The following NR6A1 variants were observed in gnomAD, a reference collection of about 807,000 sequenced individuals.
NR6A1 encodes nuclear receptor subfamily 6 group A member 1.
NR6A1 carries 7 observed loss-of-function variants against 59.1 expected under a neutral mutation model. That is an observed-to-expected ratio of 0.12 (90% CI 0.07 to 0.22). The LOEUF (loss-of-function observed/expected upper bound fraction) is 0.22, where lower values mean the gene tolerates loss of function less well. Ranked by LOEUF, NR6A1 falls within the 10% of genes least tolerant of loss-of-function variation. The pLI is 1.00. For synonymous variants in NR6A1, 243 were observed against 236.1 expected, an observed-to-expected ratio of 1.03 and a Z score of -0.27; for missense variants, 468 against 611.6, an observed-to-expected ratio of 0.77 and a Z score of 2.48.
At chr9:124,645,015 A>G (rs138913842) in intron 2 of NR6A1, among the ~76,000 whole-genome samples, 87 of 152,390 alleles carry the variant, frequency 5.7e-4, no homozygotes, top group Non-Finnish European at 1.1e-3. Flanking sequence ...CATTGAACGT[A>G]CAACATCAAG....
intron 2 of NR6A1, among the ~76,000 whole-genome samples, chr9:124,685,908 G>A (rs1443813136): frequency 6.6e-6 from 1 of 152,096 alleles, no homozygotes. Flanking sequence ...AAAGTATGAG[G>A]TAGATCTAAG....
At chr9:124,566,876 A>T (rs1588672142) in intron 2 of NR6A1, among the ~76,000 whole-genome samples, 2 of 152,188 alleles carry the variant, frequency 1.3e-5, no homozygotes, top group Non-Finnish European at 2.9e-5. Flanking sequence ...TGGGAGGCCA[A>T]GGCGGGCGGA....
At chr9:124,724,687 G>C (rs1178564893) in intron 2 of NR6A1, among the ~76,000 whole-genome samples, 1 of 152,208 alleles carries the variant, frequency 6.6e-6, no homozygotes, top group African/African-American at 2.4e-5. Flanking sequence ...AAAAATTCAG[G>C]AACAGTATTT....
intron 2 of NR6A1, among the ~76,000 whole-genome samples, chr9:124,667,543 T>C (rs551294646): frequency 6.6e-6 from 1 of 152,276 alleles, no homozygotes; most frequent in South Asian, 2.1e-4. Flanking sequence ...TAGATCACTG[T>C]CCTCACACAG....
At chr9:124,695,589 C>T (rs952474269) in intron 2 of NR6A1, among the ~76,000 whole-genome samples, 2 of 152,074 alleles carry the variant, frequency 1.3e-5, no homozygotes, top group African/African-American at 4.8e-5. Flanking sequence ...AGGCTGGTCT[C>T]AGACTCCTGA....
chr9:124,736,177 C>T lies in NR6A1; in HGVS notation c.101-2828G>A, dbSNP rs546475461. 1.5e-4 allele frequency among the ~76,000 whole-genome samples: 23 copies of T among 152,200 alleles called. No homozygotes were observed. In the East Asian group the frequency reaches 4.5e-3, roughly 29 times the overall value. On this transcript the variant is annotated intron_variant, in intron 1 of 9. Coordinates refer to ENST00000487099, the MANE Select transcript of NR6A1 (RefSeq NM_033334.4). The stretch of plus-strand genomic sequence containing the variant: ...GACCTCTCCTAGGTTCTAACTCAAG[C>T]CACCTTTAGTTATATGACTCCCTAT...
intron 2 of NR6A1, among the ~76,000 whole-genome samples, chr9:124,601,515 C>T (rs1401522233): frequency 1.4e-5 from 2 of 142,970 alleles, no homozygotes; most frequent in East Asian, 4.2e-4. Context: ...ACCTGGGAGG[C>T]GGAGCTTGCA....
chr9:124,558,194 C>A (rs554207399), intron 2 of NR6A1, among the ~76,000 whole-genome samples: 1 of 152,124 alleles, frequency 6.6e-6, no homozygotes, highest in South Asian at 2.1e-4. Flanking sequence ...ACCTACAGAA[C>A]GACAATCAAA....
chr9:124,699,421 C>T (rs1041773591), intron 2 of NR6A1, among the ~76,000 whole-genome samples: 4 of 152,182 alleles, frequency 2.6e-5, no homozygotes, highest in African/African-American at 4.8e-5. Context: ...ACACTTGAGT[C>T]ACCTCCCAAA....
chr9:124,699,319 C>T (rs766331540), intron 2 of NR6A1, among the ~76,000 whole-genome samples: 4 of 152,098 alleles, frequency 2.6e-5, no homozygotes, highest in Non-Finnish European at 5.9e-5. Context: ...AACCCATAAC[C>T]CAGGGTTAAA....
At chr9:124,546,982 T>G (rs1254729311) in intron 3 of NR6A1, among the ~76,000 whole-genome samples, 4 of 152,240 alleles carry the variant, frequency 2.6e-5, no homozygotes, top group Non-Finnish European at 4.4e-5. Flanking sequence ...CTTCTGATTC[T>G]AAAGCTGTAC....
At chr9:124,666,255 G>A (rs1032188146) in intron 2 of NR6A1, among the ~76,000 whole-genome samples, 4 of 148,450 alleles carry the variant, frequency 2.7e-5, no homozygotes, top group Admixed American at 6.7e-5. Context: ...AGATTTTGGC[G>A]GAATTACCTC....
chr9:124,590,613 T>C (rs1472624721), intron 2 of NR6A1, among the ~76,000 whole-genome samples: 1 of 152,248 alleles, frequency 6.6e-6, no homozygotes, highest in Non-Finnish European at 1.5e-5. Context: ...GAATGTTAGC[T>C]GCATAATAAT....
At chr9:124,734,254 C>T (rs977904668) in intron 1 of NR6A1, among the ~76,000 whole-genome samples, 3 of 152,204 alleles carry the variant, frequency 2.0e-5, no homozygotes, top group South Asian at 4.1e-4. Flanking sequence ...ACTTGTTCAG[C>T]GTCTGACCAC....
chr9:124,568,491 A>ATGAGCCTCAGTGCTGCTGCTGCATC (rs1434817651), intron 2 of NR6A1, among the ~76,000 whole-genome samples: 18 of 152,036 alleles, frequency 1.2e-4, no homozygotes, highest in African/African-American at 3.9e-4. Context: ...TCAAAAAAAA[A>ATGAGCCTCAGTGCTGCTGCTGCATC]AAACAAAAGA....
chr9:124,632,866 C>T (rs1836487548), intron 2 of NR6A1, among the ~76,000 whole-genome samples: 3 of 152,154 alleles, frequency 2.0e-5, no homozygotes. Flanking sequence ...CTTAGGTAAA[C>T]TATAACCCCT....
intron 2 of NR6A1, among the ~76,000 whole-genome samples, chr9:124,579,102 G>C (rs1305021172): frequency 2.0e-5 from 3 of 152,084 alleles, no homozygotes; most frequent in Admixed American, 6.5e-5. Context: ...GGCAACATAG[G>C]GAGACTCCAT....
chr9:124,575,516 A>T (rs148293070), intron 2 of NR6A1, among the ~76,000 whole-genome samples: 2,268 of 152,056 alleles, frequency 0.015, 30 homozygotes, highest in Middle Eastern at 0.031. Context: ...AGAGGTTTCA[A>T]TGAGCCGAGA....
intron 2 of NR6A1, among the ~76,000 whole-genome samples, chr9:124,616,005 G>A (rs1835878535): frequency 2.0e-5 from 3 of 151,924 alleles, no homozygotes; most frequent in South Asian, 4.1e-4. Context: ...GATTACAGGC[G>A]TGAGTCACCA....
Sources: gnomAD v4.1 joint callset for allele counts (sites outside exome capture counted in the v4.1 genomes callset) on GRCh38, gnomAD v4.1.1 for gene constraint, MANE v1.5 for transcripts, NCBI Gene and HGNC (gene_info 2026-07-23, HGNC 2026-07-21) for gene names.